Variants in LMX1A observed in about 807,000 individuals in gnomAD.
LMX1A encodes the protein LIM homeobox transcription factor 1-alpha.
In LMX1A, 15 loss-of-function variants were observed where a neutral mutation model predicts 49.1. That is an observed-to-expected ratio of 0.31 (90% confidence interval 0.20 to 0.47). The LOEUF is 0.47. Among genes scored for constraint, LMX1A ranks in the 20% least tolerant of loss-of-function variants. The pLI, the probability that LMX1A is intolerant of heterozygous loss-of-function variation, is 1.00. For synonymous variants in LMX1A, 167 were observed against 185.7 expected, an observed-to-expected ratio of 0.90 and a Z score of 0.82; for missense variants, 372 against 475.8, an observed-to-expected ratio of 0.78 and a Z score of 2.03.
chr1:165,300,160 C>A (rs1240195713), intron 3 of LMX1A, among the ~76,000 whole-genome samples: 1 of 152,174 alleles, frequency 6.6e-6, no homozygotes, highest in Non-Finnish European at 1.5e-5. Flanking sequence ...CTGTCCAATT[C>A]TCAGAACCCC....
chr1:165,325,882 A>G lies in LMX1A; in HGVS notation c.263+27194T>C, dbSNP rs572547308. On this transcript the variant is annotated intron_variant, in intron 3 of 8. Coordinates refer to ENST00000342310, the MANE Select transcript of LMX1A (RefSeq NM_177398.4). ...CTATTATTAAAATATTGCCATTATGATTGTTGTTGTTATTCTCAGCCTTAT... is the reference window on the plus strand; with the variant it reads ...CTATTATTAAAATATTGCCATTATGGTTGTTGTTGTTATTCTCAGCCTTAT... 8.5e-5 allele frequency among the ~76,000 whole-genome samples: 13 copies of G among 152,256 alleles called. No homozygotes were observed. In the East Asian group the frequency reaches 2.3e-3, roughly 27 times the overall value.
intron 3 of LMX1A, among the ~76,000 whole-genome samples, chr1:165,309,601 C>T (rs1655017158): frequency 6.6e-6 from 1 of 152,198 alleles, no homozygotes; most frequent in Admixed American, 6.5e-5. Flanking sequence ...TCAGCTTGTG[C>T]TGTAGATTAT....
chr1:165,262,271 G>A (rs114105380), intron 3 of LMX1A, among the ~76,000 whole-genome samples: 1,646 of 152,118 alleles, frequency 0.011, 35 homozygotes, highest in African/African-American at 0.037. Context: ...AATCTCAGCT[G>A]GTGCATACAT....
chr1:165,235,548 ACT>A (rs1448352187), intron 4 of LMX1A, among the ~76,000 whole-genome samples: 5 of 151,920 alleles, frequency 3.3e-5, no homozygotes, highest in African/African-American at 9.7e-5. Context: ...CTTTTAATTA[ACT>A]CTGCGGCGCG....
chr1:165,279,297 C>T (rs1051502785), intron 3 of LMX1A, among the ~76,000 whole-genome samples: 1 of 152,220 alleles, frequency 6.6e-6, no homozygotes, highest in South Asian at 2.1e-4. Flanking sequence ...ACTGCCTCTG[C>T]GGTCAGCAAG....
chr1:165,289,259 A>G (rs1654393426), intron 3 of LMX1A, among the ~76,000 whole-genome samples: 1 of 149,824 alleles, frequency 6.7e-6, no homozygotes, highest in African/African-American at 2.5e-5. Flanking sequence ...AAAAAAAGAG[A>G]GAGAGAGAGA....
chr1:165,270,540 C>T (rs1653763706), intron 3 of LMX1A, among the ~76,000 whole-genome samples: 1 of 152,164 alleles, frequency 6.6e-6, no homozygotes, highest in South Asian at 2.1e-4. Flanking sequence ...AGGCCAAAAG[C>T]CACTCAAGGT....
intron 3 of LMX1A, among the ~76,000 whole-genome samples, chr1:165,302,675 C>T (rs1040980682): frequency 2.0e-5 from 3 of 152,144 alleles, no homozygotes; most frequent in East Asian, 1.9e-4. Flanking sequence ...ATAATGAAGA[C>T]GAATGACACA....
intron 3 of LMX1A, among the ~76,000 whole-genome samples, chr1:165,346,841 A>C (rs563775365): frequency 2.6e-5 from 4 of 152,320 alleles, no homozygotes; most frequent in East Asian, 1.9e-4. Context: ...TATAGCTCTA[A>C]TCCTCCCGTT....
intron 3 of LMX1A, among the ~76,000 whole-genome samples, chr1:165,277,093 A>G (rs1557871246): frequency 6.6e-6 from 1 of 152,346 alleles, no homozygotes; most frequent in East Asian, 1.9e-4. Context: ...AGCTCTGGGG[A>G]CTTCCACTTG....
At chr1:165,279,712 T>C (rs1049804678) in intron 3 of LMX1A, among the ~76,000 whole-genome samples, 1 of 152,220 alleles carries the variant, frequency 6.6e-6, no homozygotes, top group African/African-American at 2.4e-5. Flanking sequence ...TCGATAATAA[T>C]AAAAATAATT....
chr1:165,249,152 G>T (rs1216139397), intron 4 of LMX1A, among the ~76,000 whole-genome samples: 1 of 152,084 alleles, frequency 6.6e-6, no homozygotes, highest in Non-Finnish European at 1.5e-5. Flanking sequence ...GGACATTTCT[G>T]TGTGTGTGTG....
At chr1:165,286,509 C>A (rs1654308259) in intron 3 of LMX1A, among the ~76,000 whole-genome samples, 1 of 152,124 alleles carries the variant, frequency 6.6e-6, no homozygotes. Context: ...TTGGTTTTGC[C>A]TTGGGAAAGT....
rs200538893 is a variant in LMX1A, at chr1:165,353,059, G to A, written c.263+17C>T. 47 of 1,613,018 alleles carry A rather than the reference G, an allele frequency of 2.9e-5. No individual in the cohort carries two copies. The highest frequency in any genetic ancestry group is 3.7e-5 in the Non-Finnish European group (44 of 1,179,452). On this transcript the variant is annotated intron_variant, in intron 3 of 8. Transcript: ENST00000342310. ...ATGCCAGTGCGCGGGGAGCGCTGCG[G>A]GGGTGCGGCCACTTACTTCTCGTAG...
In LMX1A at chr1:165,336,076, T is replaced by C. The variant is rs564660371; in HGVS notation, c.263+17000A>G. ...GATCTTTACTAAATGCTTTATAACA[T>C]ACATATGTTTAATCCCTAAAACGTA... On this transcript the variant is annotated intron_variant, in intron 3 of 8. Coordinates refer to ENST00000342310, the MANE Select transcript of LMX1A (RefSeq NM_177398.4). 5.3e-5 allele frequency among the ~76,000 whole-genome samples: 8 copies of C among 152,304 alleles called. 1 individual carries two copies. The highest frequency in any genetic ancestry group is 1.7e-4 in the African/African-American group (7 of 41,570).
At chr1:165,204,910 C>A (rs1042863670) in intron 8 of LMX1A, among the ~76,000 whole-genome samples, 1 of 152,028 alleles carries the variant, frequency 6.6e-6, no homozygotes, top group African/African-American at 2.4e-5. Context: ...GTGGGGTCAG[C>A]CAGTGAAGGG....
chr1:165,355,644 C>A lies in LMX1A; in HGVS notation c.-22-63G>T, dbSNP rs1571241437. 3.2e-6 allele frequency: 4 copies of A among 1,254,772 alleles called. No individual in the cohort carries two copies. The East Asian group carries it at 7.3e-5, about 23-fold the overall frequency. The allele number at this position is 1,254,772 out of a possible 1,614,324, so 77.7% of individuals were successfully genotyped here. A position where few individuals can be genotyped will look rare whatever the true frequency, so the allele number is the denominator to read the frequency against. ...CCCGCTGGGACTCGGCGCCAGCAGC[C>A]ACCGCACTCCTGGGAAAGAACTGAG... On this transcript the variant is annotated intron_variant, in intron 1 of 8. Coordinates refer to ENST00000342310, the MANE Select transcript of LMX1A (RefSeq NM_177398.4). This position sits in a 1 kb window ranked among gnomAD's most constrained non-coding sequence, Gnocchi z 4.7.
chr1:165,216,893 T>A (rs939041565), intron 4 of LMX1A, among the ~76,000 whole-genome samples: 18 of 152,218 alleles, frequency 1.2e-4, no homozygotes, highest in Non-Finnish European at 2.1e-4. Context: ...TTCTCAAGAC[T>A]TAATTTTCTC....
intron 4 of LMX1A, among the ~76,000 whole-genome samples, chr1:165,216,734 A>C (rs1287724249): frequency 2.0e-5 from 3 of 152,250 alleles, no homozygotes; most frequent in Non-Finnish European, 4.4e-5. Flanking sequence ...ATGAAAATGT[A>C]AAGTCTAAAA....
Sources: gnomAD v4.1 joint callset for allele counts (sites outside exome capture counted in the v4.1 genomes callset) on GRCh38, gnomAD v4.1.1 for gene constraint, Gnocchi (gnomAD v3.1) non-coding constraint, MANE v1.5 for transcripts, NCBI Gene and HGNC (gene_info 2026-07-23, HGNC 2026-07-21) for gene names.